The following CHL1 variants were observed in gnomAD, a reference collection of about 807,000 sequenced individuals.
CHL1 encodes neural cell adhesion molecule L1-like protein.
Under a neutral mutation model 141.9 loss-of-function variants are expected in CHL1, and 96 were observed. The observed-to-expected ratio is 0.68, with a 90% CI of 0.57 to 0.80. The LOEUF is 0.80. CHL1 is among the 30% of genes least tolerant of loss of function. CHL1 has a pLI of 0.00. For synonymous variants in CHL1, 613 were observed against 502.2 expected, an observed-to-expected ratio of 1.22 and a Z score of -2.95; for missense variants, 1,820 against 1,457.2, an observed-to-expected ratio of 1.25 and a Z score of -4.05.
intron 7 of CHL1, 148 bp downstream of exon 7, chr3:342,230 C>T: frequency 1.7e-6 from 1 of 590,868 alleles, no homozygotes. Flanking sequence ...ATGAAATAGA[C>T]ATCTGCAGCT....
intron 2 of CHL1, among the ~76,000 whole-genome samples, chr3:250,326 A>G (rs1428972306): frequency 6.6e-6 from 1 of 152,138 alleles, no homozygotes; most frequent in Non-Finnish European, 1.5e-5. Context: ...TCAAAAAAGC[A>G]ATTAGACCAG....
intron 2 of CHL1, among the ~76,000 whole-genome samples, chr3:280,940 C>T (rs934925154): frequency 1.4e-4 from 22 of 152,146 alleles, no homozygotes; most frequent in African/African-American, 4.8e-4. Context: ...CACACGCACA[C>T]ACAACAACTG....
intron 1 of CHL1, among the ~76,000 whole-genome samples, chr3:222,727 G>A (rs1287603872): frequency 2.0e-5 from 3 of 152,122 alleles, no homozygotes; most frequent in African/African-American, 7.2e-5. Flanking sequence ...AACAGGGAAG[G>A]GAAGGAAAAA....
At chr3:395,551 G>T (rs1214780444) in intron 24 of CHL1, among the ~76,000 whole-genome samples, 1 of 152,202 alleles carries the variant, frequency 6.6e-6, no homozygotes, top group Admixed American at 6.5e-5. Context: ...TCAGGTCAGA[G>T]GAACTGATGT....
At chr3:202,477 G>C (rs1414523005) in intron 1 of CHL1, among the ~76,000 whole-genome samples, 1 of 152,132 alleles carries the variant, frequency 6.6e-6, no homozygotes, top group Non-Finnish European at 1.5e-5. Context: ...CTTAGGCTTG[G>C]CTGAAATTAG....
rs185623536 is a variant in CHL1, at chr3:241,147, G to A, written c.-174-3466G>A. On this transcript the variant is annotated intron_variant, in intron 1 of 27. Transcript: ENST00000256509. ...AATATTTATAGCTGTTAGGCCTTTAGTTAATTTTGTCTAGATGGAGTTTCA... is the reference window on the plus strand; with the variant it reads ...AATATTTATAGCTGTTAGGCCTTTAATTAATTTTGTCTAGATGGAGTTTCA... Among the ~76,000 whole-genome samples the A allele has an allele frequency of 5.7e-4, 87 of 152,284 alleles. No individual in the cohort carries two copies. In the East Asian group the frequency reaches 0.016, roughly 27 times the overall value.
rs202104134 is a variant in CHL1, at chr3:405,623, C to T, written c.3587C>T (p.Ser1196Leu). The T allele has an allele frequency of 7.4e-6, 12 of 1,613,474 alleles. No homozygotes were observed. The highest frequency in any genetic ancestry group is 1.0e-5 in the Non-Finnish European group (12 of 1,179,556). ...CATGGTCTCTTCAGTGAAGATGGAT[C>T]ATTTATTGGTGCCTACGCTGGATCT... is the stretch of plus-strand genomic sequence containing the variant. ...GDHGLFSEDGSFIGAYAGSKE... is the reference protein window; with the variant it reads ...GDHGLFSEDGLFIGAYAGSKE... The change falls in exon 28 of 28, where the codon TCA becomes TTA. Residue 1196 changes from serine (S) to leucine (L), a missense_variant. Coordinates refer to ENST00000256509, the MANE Select transcript of CHL1 (RefSeq NM_006614.4).
At chr3:383,721 T>C in intron 18 of CHL1, 95 bp from the exon 19 acceptor site, 1 of 745,448 alleles carries the variant, frequency 1.3e-6, no homozygotes, top group East Asian at 2.5e-5. Flanking sequence ...TCAAACTTAC[T>C]TAATTATCTG....
chr3:299,425 T>G (rs1325553684), intron 2 of CHL1, among the ~76,000 whole-genome samples: 1 of 152,164 alleles, frequency 6.6e-6, no homozygotes, highest in African/African-American at 2.4e-5. Flanking sequence ...TGGTTCCCTT[T>G]TGGATGTTGA....
chr3:291,294 T>C (rs1254153449), intron 2 of CHL1, among the ~76,000 whole-genome samples: 1 of 152,144 alleles, frequency 6.6e-6, no homozygotes, highest in African/African-American at 2.4e-5. Context: ...ATGTCATATA[T>C]ATTAGCATTA....
chr3:286,559 C>T (rs1053692677), intron 2 of CHL1, among the ~76,000 whole-genome samples: 8 of 145,380 alleles, frequency 5.5e-5, no homozygotes, highest in South Asian at 4.3e-4. Context: ...TGCAGTGAGC[C>T]GAGATTGCGC....
intron 2 of CHL1, among the ~76,000 whole-genome samples, chr3:261,267 C>T (rs67234475): frequency 0.11 from 16,584 of 150,962 alleles, 1,811 homozygotes; most frequent in African/African-American, 0.29. Context: ...AAGTAAAGTA[C>T]TTGGTCTTTT....
intron 2 of CHL1, among the ~76,000 whole-genome samples, chr3:252,361 G>GATATAGAT (rs1553596100): frequency 3.7e-5 from 2 of 54,274 alleles, no homozygotes; most frequent in Admixed American, 2.7e-4. Context: ...AAAGCATCCA[G>GATATAGAT]ATATATATAT....
chr3:399,196 C>A, intron 26 of CHL1, 48 bp downstream of exon 26: 1 of 1,507,608 alleles, frequency 6.6e-7, no homozygotes, highest in Non-Finnish European at 9.2e-7. Flanking sequence ...AAAGCATTTT[C>A]TGGGAAGCAT....
intron 5 of CHL1, among the ~76,000 whole-genome samples, chr3:338,425 A>T (rs1222443392): frequency 6.6e-6 from 1 of 152,152 alleles, no homozygotes; most frequent in East Asian, 1.9e-4. Context: ...CACTGGTTGG[A>T]TTTATTTTTA....
chr3:230,985 C>A (rs1483369330), intron 1 of CHL1, among the ~76,000 whole-genome samples: 2 of 152,170 alleles, frequency 1.3e-5, no homozygotes, highest in East Asian at 3.8e-4. Context: ...CAGATGCTCA[C>A]ATGTGTTTGT....
chr3:203,171 G>T (rs150051226), intron 1 of CHL1, among the ~76,000 whole-genome samples: 1 of 152,280 alleles, frequency 6.6e-6, no homozygotes, highest in East Asian at 1.9e-4. Flanking sequence ...CTAAGAAGAG[G>T]CACCATAGTC....
intron 2 of CHL1, among the ~76,000 whole-genome samples, chr3:260,565 C>T (rs889599518): frequency 2.0e-5 from 3 of 152,118 alleles, no homozygotes; most frequent in Non-Finnish European, 4.4e-5. Context: ...GATACCAGCA[C>T]GACAGCAGAT....
In CHL1 at chr3:338,958, T is replaced by C. The variant is rs180738328; in HGVS notation, c.386-1836T>C. On this transcript the variant is annotated intron_variant, in intron 5 of 27. Transcript: ENST00000256509. ...ATTAGGGATTTATACATCTTATTAA[T>C]TAACTACTTTACAATAGATATTATC... Among the ~76,000 whole-genome samples the C allele has an allele frequency of 3.2e-4, 49 of 152,352 alleles. 1 individual carries two copies. Among genetic ancestry groups the C allele is most frequent in the Non-Finnish European group, 2.9e-5 (2 of 68,030 alleles).
Sources: allele counts gnomAD v4.1 joint callset (sites outside exome capture counted in the v4.1 genomes callset), GRCh38; gene constraint gnomAD v4.1.1; transcripts MANE v1.5; gene names NCBI Gene and HGNC (gene_info 2026-07-23, HGNC 2026-07-21).